Variants in DAB1 observed in about 807,000 individuals in gnomAD.
DAB1 encodes the protein DAB adaptor protein 1.
A neutral mutation model predicts 64.6 loss-of-function variants in DAB1; 15 were observed. The observed-to-expected ratio is 0.23, with a 90% CI of 0.16 to 0.36. DAB1 has a LOEUF of 0.36. Among genes scored for constraint, DAB1 ranks in the 10% least tolerant of loss-of-function variants. The probability of loss-of-function intolerance (pLI) is 1.00; values close to 1 mark genes in which losing one functional copy is unlikely to be tolerated. For missense variants in DAB1, 596 were observed against 706.7 expected, an observed-to-expected ratio of 0.84 and a Z score of 1.78; for synonymous variants, 235 against 251.9, an observed-to-expected ratio of 0.93 and a Z score of 0.64.
intron 6 of DAB1, among the ~76,000 whole-genome samples, chr1:57,717,446 G>C (rs1647097796): frequency 6.6e-6 from 1 of 151,924 alleles, no homozygotes; most frequent in African/African-American, 2.4e-5. Flanking sequence ...GTAGAGAAAG[G>C]GGAACTTTTA....
chr1:58,446,017 T>G (rs952976981), intron 3 of DAB1, among the ~76,000 whole-genome samples: 1 of 152,102 alleles, frequency 6.6e-6, no homozygotes, highest in African/African-American at 2.4e-5. Flanking sequence ...GTTTTAGAAC[T>G]GAAAGTCACC....
chr1:57,501,499 C>A (rs180841671), intron 7 of DAB1, among the ~76,000 whole-genome samples: 145 of 152,206 alleles, frequency 9.5e-4, no homozygotes, highest in Non-Finnish European at 1.2e-3. Context: ...GGATGATACA[C>A]CCAAAGGATT....
chr1:58,122,344 G>T (rs944109018), intron 5 of DAB1, among the ~76,000 whole-genome samples: 1 of 152,136 alleles, frequency 6.6e-6, no homozygotes, highest in African/African-American at 2.4e-5. Context: ...CTGCTAATTT[G>T]CTGTCTCAAA....
chr1:57,998,674 A>G (rs904118249), intron 5 of DAB1, among the ~76,000 whole-genome samples: 9 of 152,138 alleles, frequency 5.9e-5, no homozygotes, highest in African/African-American at 2.2e-4. Flanking sequence ...TAATGTGACA[A>G]ACAGAGATAA....
At chr1:58,163,730 C>G (rs759198298) in intron 4 of DAB1, among the ~76,000 whole-genome samples, 46 of 152,156 alleles carry the variant, frequency 3.0e-4, no homozygotes, top group Admixed American at 1.9e-3. Context: ...GTATTTTCAG[C>G]AGAAGTGATG....
chr1:57,655,785 T>C (rs1248313252), intron 6 of DAB1, among the ~76,000 whole-genome samples: 2 of 152,196 alleles, frequency 1.3e-5, no homozygotes, highest in Admixed American at 1.3e-4. Context: ...AATAGAAATT[T>C]AGAGTTTGGA....
chr1:58,355,402 A>G (rs1644100515), intron 3 of DAB1, among the ~76,000 whole-genome samples: 1 of 152,224 alleles, frequency 6.6e-6, no homozygotes, highest in African/African-American at 2.4e-5. Context: ...TAGATGGTTT[A>G]TTGAGCAGAT....
At chr1:57,000,083 G>A (rs566772718) in intron 14 of DAB1, among the ~76,000 whole-genome samples, 41 of 127,462 alleles carry the variant, frequency 3.2e-4, no homozygotes, top group African/African-American at 1.0e-3. Flanking sequence ...TCACTCTGTC[G>A]CCCAGGCTAG....
chr1:57,742,713 A>G (rs1246390612), intron 6 of DAB1, among the ~76,000 whole-genome samples: 9 of 152,190 alleles, frequency 5.9e-5, no homozygotes, highest in African/African-American at 2.2e-4. Flanking sequence ...CTGTCTGGGA[A>G]TATGCCTGGG....
intron 2 of DAB1, among the ~76,000 whole-genome samples, chr1:58,509,661 CATAA>C (rs1282734617): frequency 7.1e-6 from 1 of 141,590 alleles, no homozygotes; most frequent in East Asian, 2.1e-4. Context: ...AAGATTAGAG[CATAA>C]ATAAAGAAAA....
chr1:57,411,352 G>A (rs1221544474), intron 1 of DAB1, among the ~76,000 whole-genome samples: 2 of 152,210 alleles, frequency 1.3e-5, no homozygotes, highest in African/African-American at 4.8e-5. Context: ...CTGTAGGCCT[G>A]TGGCTCCTCA....
chr1:57,144,987 A>G (rs145000145), intron 3 of DAB1, among the ~76,000 whole-genome samples: 94 of 152,292 alleles, frequency 6.2e-4, no homozygotes, highest in African/African-American at 2.0e-3. Flanking sequence ...TGACAAAACA[A>G]TTTGATAATT....
intron 7 of DAB1, among the ~76,000 whole-genome samples, chr1:57,533,805 C>T (rs867984707): frequency 2.6e-4 from 39 of 151,798 alleles, no homozygotes; most frequent in Middle Eastern, 3.2e-3. Context: ...ACAGGAGAAA[C>T]GATCATTGTC....
intron 5 of DAB1, among the ~76,000 whole-genome samples, chr1:58,093,518 T>G (rs976262374): frequency 6.6e-6 from 1 of 152,068 alleles, no homozygotes; most frequent in Non-Finnish European, 1.5e-5. Flanking sequence ...GGGATCTAGT[T>G]TGCATGCTCC....
intron 7 of DAB1, among the ~76,000 whole-genome samples, chr1:57,477,575 T>C (rs767620373): frequency 3.9e-5 from 6 of 152,128 alleles, no homozygotes; most frequent in African/African-American, 1.4e-4. Flanking sequence ...GGTCCTAATA[T>C]AAATTGGAGT....
chr1:57,601,229 T>C (rs1558530335), intron 7 of DAB1, among the ~76,000 whole-genome samples: 1 of 152,138 alleles, frequency 6.6e-6, no homozygotes, highest in East Asian at 1.9e-4. Flanking sequence ...CAGATCTCCA[T>C]AATTGAGCTA....
At chr1:57,833,309 T>C (rs970879670) in intron 1 of DAB1, among the ~76,000 whole-genome samples, 5 of 152,242 alleles carry the variant, frequency 3.3e-5, no homozygotes, top group African/African-American at 1.2e-4. Context: ...GGTTCATTTA[T>C]GCATTTCTTT....
At chr1:58,151,718 T>G (rs947600509) in intron 4 of DAB1, among the ~76,000 whole-genome samples, 1 of 152,200 alleles carries the variant, frequency 6.6e-6, no homozygotes, top group Non-Finnish European at 1.5e-5. Flanking sequence ...GCATACTATG[T>G]GCAATGTACC....
At chr1:57,229,316 G>A (rs751219998) in intron 2 of DAB1, among the ~76,000 whole-genome samples, 256 of 150,932 alleles carry the variant, frequency 1.7e-3, no homozygotes, top group African/African-American at 6.1e-3. Flanking sequence ...CATCTCAGCC[G>A]CCAGAGTAGC....
Sources: allele counts gnomAD v4.1 joint callset (sites outside exome capture counted in the v4.1 genomes callset), GRCh38; gene constraint gnomAD v4.1.1; transcripts MANE v1.5; gene names NCBI Gene and HGNC (gene_info 2026-07-23, HGNC 2026-07-21).